Variants in DTD1 observed in about 807,000 individuals in gnomAD.
The protein encoded by DTD1 is D-aminoacyl-tRNA deacylase 1.
DTD1 carries 13 observed loss-of-function variants against 25.6 expected under a neutral mutation model. That is an observed-to-expected ratio of 0.51 (90% CI 0.33 to 0.81). The LOEUF (loss-of-function observed/expected upper bound fraction) is 0.81. DTD1 is among the 30% of genes least tolerant of loss of function. The probability of loss-of-function intolerance (pLI) is 0.02; values close to 1 mark genes in which losing one functional copy is unlikely to be tolerated. For synonymous variants in DTD1, 110 were observed against 103.6 expected, an observed-to-expected ratio of 1.06 and a Z score of -0.37; for missense variants, 193 against 266.4, an observed-to-expected ratio of 0.72 and a Z score of 1.92.
intron 4 of DTD1, among the ~76,000 whole-genome samples, chr20:18,648,065 T>G (rs2060856907): frequency 6.6e-6 from 1 of 152,184 alleles, no homozygotes; most frequent in African/African-American, 2.4e-5. Flanking sequence ...TTCTCTTTGG[T>G]GCTGATAATC....
chr20:18,747,436 A>C (rs2122525638), intron 5 of DTD1, among the ~76,000 whole-genome samples: 1 of 152,302 alleles, frequency 6.6e-6, no homozygotes, highest in Admixed American at 6.5e-5. Flanking sequence ...GTGTTTTCTC[A>C]GGCTTCTCTG....
chr20:18,744,570 A>T (rs773533371), intron 5 of DTD1, among the ~76,000 whole-genome samples: 15 of 148,318 alleles, frequency 1.0e-4, no homozygotes, highest in African/African-American at 3.7e-4. Flanking sequence ...CATTTCTTAC[A>T]TGGCGGCAGG....
Position 18,631,090 on chromosome 20 carries a change from G to T in DTD1, c.477+2857G>T, listed in dbSNP as rs2060785821. 1.4e-5 allele frequency: 14 copies of T among 985,296 alleles called. No homozygotes were observed. The South Asian group carries it at 6.1e-4, about 43-fold the overall frequency. 61.0% of individuals were successfully genotyped at this position (985,296 alleles called of 1,614,324 possible). A position where few individuals can be genotyped will look rare whatever the true frequency, so the allele number is the denominator to read the frequency against. ...TCCTCTGGCTCATTCACAGCAGACA[G>T]CTCTCTCTCAGCTTTGCAGGGAAAG... On this transcript the variant is annotated intron_variant, in intron 4 of 5. Coordinates refer to ENST00000377452, the MANE Select transcript of DTD1 (RefSeq NM_080820.6).
At chr20:18,588,264 G>GC (rs1416262869) in intron 1 of DTD1, 149 bp downstream of exon 1, 2 of 748,680 alleles carry the variant, frequency 2.7e-6, no homozygotes, top group Non-Finnish European at 3.6e-6. Context: ...CCGCGCAGCC[G>GC]CGAGTCCCCA....
At chr20:18,631,856 G>A in intron 4 of DTD1, 1 of 985,150 alleles carries the variant, frequency 1.0e-6, no homozygotes, top group Non-Finnish European at 1.2e-6. Flanking sequence ...GGAAATGGTA[G>A]AATAGTACAT....
intron 4 of DTD1, among the ~76,000 whole-genome samples, chr20:18,725,446 G>T (rs1486160532): frequency 2.0e-5 from 3 of 152,190 alleles, no homozygotes; most frequent in Non-Finnish European, 4.4e-5. Flanking sequence ...ATTTTTATTT[G>T]TAGTTCATAA....
At position 18,646,485 on chromosome 20, in the gene DTD1, T is replaced by C. The variant is rs528822979; in HGVS notation, c.477+18252T>C. 1.1e-3 allele frequency among the ~76,000 whole-genome samples: 169 copies of C among 152,270 alleles called. 2 individuals carry two copies. The highest frequency in any genetic ancestry group is 2.4e-4 in the Non-Finnish European group (16 of 68,010). Reference sequence around the variant, plus strand: ...CCTTTATTTTTCCTCATGAAAACCCTTGAGGAACTAAAGGAAGGAAAAGAG... The same window carrying C: ...CCTTTATTTTTCCTCATGAAAACCCCTGAGGAACTAAAGGAAGGAAAAGAG... On this transcript the variant is annotated intron_variant, in intron 4 of 5. Transcript: ENST00000377452.
intron 3 of DTD1, among the ~76,000 whole-genome samples, chr20:18,627,340 G>A (rs1600328865): frequency 6.6e-6 from 1 of 152,222 alleles, no homozygotes; most frequent in Non-Finnish European, 1.5e-5. Flanking sequence ...ACCTCAGGGT[G>A]TGAGGCCTGC....
At chr20:18,631,891 C>T (rs1003072748) in intron 4 of DTD1, 1 of 984,858 alleles carries the variant, frequency 1.0e-6, no homozygotes, top group Non-Finnish European at 1.2e-6. Context: ...CTTCACCTTT[C>T]TTTCAACCAG....
At chr20:18,743,470 G>T (rs762360588) in intron 4 of DTD1, among the ~76,000 whole-genome samples, 9 of 152,044 alleles carry the variant, frequency 5.9e-5, no homozygotes, top group Non-Finnish European at 1.3e-4. Flanking sequence ...GAGGTGGGTG[G>T]GTTGCTTGAG....
intron 3 of DTD1, among the ~76,000 whole-genome samples, chr20:18,606,223 A>G (rs939315160): frequency 6.8e-6 from 1 of 147,540 alleles, no homozygotes; most frequent in African/African-American, 2.5e-5. Flanking sequence ...CAAAACCACT[A>G]TGAGATACCA....
intron 4 of DTD1, among the ~76,000 whole-genome samples, chr20:18,667,357 G>A (rs1350892709): frequency 6.6e-6 from 1 of 152,184 alleles, no homozygotes; most frequent in East Asian, 1.9e-4. Context: ...TTCAAAGATG[G>A]CTCAGCTCAT....
At chr20:18,744,908 C>A (rs1198758805) in intron 5 of DTD1, among the ~76,000 whole-genome samples, 3 of 152,140 alleles carry the variant, frequency 2.0e-5, no homozygotes, top group Non-Finnish European at 4.4e-5. Context: ...GTATTTTATT[C>A]ATTGAGATGC....
At chr20:18,631,697 A>T (rs1381156280) in intron 4 of DTD1, 1 of 985,292 alleles carries the variant, frequency 1.0e-6, no homozygotes, top group Non-Finnish European at 1.2e-6. Context: ...CTTGTTTCCC[A>T]GGACGTCATT....
chr20:18,641,456 C>A (rs1001329876), intron 4 of DTD1, among the ~76,000 whole-genome samples: 1 of 152,124 alleles, frequency 6.6e-6, no homozygotes, highest in South Asian at 2.1e-4. Flanking sequence ...ACATTCCTAC[C>A]GGCAATGCTC....
At position 18,763,948 on chromosome 20, in the gene DTD1, C is replaced by T. The variant is rs1184966569; in HGVS notation, c.*608C>T. ...CTCTGTTTCTGCATAACGATGATGTCCATAGAAATGCAATGCGTCTGACCT... is the reference window on the plus strand; with the variant it reads ...CTCTGTTTCTGCATAACGATGATGTTCATAGAAATGCAATGCGTCTGACCT... On this transcript the variant is annotated 3_prime_UTR_variant, in exon 6 of 6. Coordinates refer to ENST00000377452, the MANE Select transcript of DTD1 (RefSeq NM_080820.6). The T allele has an allele frequency of 6.6e-6, 1 of 152,182 alleles. No individual in the cohort carries two copies. Among genetic ancestry groups the T allele is most frequent in the Non-Finnish European group, 1.5e-5 (1 of 68,032 alleles). 9.4% of individuals were successfully genotyped at this position (152,182 alleles called of 1,614,324 possible). A position where few individuals can be genotyped will look rare whatever the true frequency, so the allele number is the denominator to read the frequency against.
chr20:18,589,333 A>G (rs2060579726), intron 1 of DTD1, among the ~76,000 whole-genome samples: 1 of 152,190 alleles, frequency 6.6e-6, no homozygotes, highest in Non-Finnish European at 1.5e-5. Flanking sequence ...CCTGGGCGAC[A>G]GAGCGAGACT....
intron 4 of DTD1, among the ~76,000 whole-genome samples, chr20:18,733,164 TATCTC>T (rs1184617661): frequency 6.6e-6 from 1 of 152,128 alleles, no homozygotes; most frequent in African/African-American, 2.4e-5. Context: ...GTGTGGGACA[TATCTC>T]AGTTGGCTCA....
In DTD1 at chr20:18,749,892, A is replaced by G. The variant is rs552104088; in HGVS notation, c.*19+5621A>G. Among the ~76,000 whole-genome samples, 4 of 152,346 alleles carry G rather than the reference A, an allele frequency of 2.6e-5. No individual in the cohort carries two copies. Among genetic ancestry groups the G allele is most frequent in the African/African-American group, 7.2e-5 (3 of 41,578 alleles). On this transcript the variant is annotated intron_variant, in intron 5 of 5. Coordinates refer to ENST00000377452, the MANE Select transcript of DTD1 (RefSeq NM_080820.6). The surrounding 1 kb of genome is among the most constrained non-coding windows in gnomAD (Gnocchi z 4.2). ...GTTTAGATCGGCCCATGAAAGACAGAGGCCACGTTTTGTTTATACCGATGT... is the reference window on the plus strand; with the variant it reads ...GTTTAGATCGGCCCATGAAAGACAGGGGCCACGTTTTGTTTATACCGATGT...
Sources: gnomAD v4.1 joint callset for allele counts (sites outside exome capture counted in the v4.1 genomes callset) on GRCh38, gnomAD v4.1.1 for gene constraint, Gnocchi (gnomAD v3.1) non-coding constraint, MANE v1.5 for transcripts, NCBI Gene and HGNC (gene_info 2026-07-23, HGNC 2026-07-21) for gene names.